LINGO1: variants seen among roughly 807,000 people sequenced by gnomAD.
LINGO1 encodes the protein leucine-rich repeat and immunoglobulin-like domain-containing nogo receptor-interacting protein 1.
Under a neutral mutation model 37.3 loss-of-function variants are expected in LINGO1, and 11 were observed. The ratio of observed to expected loss-of-function variants is 0.29; its 90% CI spans 0.19 to 0.49. LINGO1 has a LOEUF of 0.49. LINGO1 is among the 20% of genes least tolerant of loss of function. The pLI is 0.99. For missense variants in LINGO1, 585 were observed against 878.2 expected (o/e 0.67, Z 4.22); for synonymous variants, 387 against 403.0 (o/e 0.96, Z 0.48).
chr15:77,813,233 GT>G (rs150289658), intron 1 of LINGO1, among the ~76,000 whole-genome samples: 7 of 151,226 alleles, frequency 4.6e-5, no homozygotes, highest in African/African-American at 1.2e-4. Flanking sequence ...CCAATAGAAG[GT>G]TTTTTTTTTA....
At chr15:77,621,997 T>C (rs190789451) in intron 1 of LINGO1, among the ~76,000 whole-genome samples, 2 of 152,250 alleles carry the variant, frequency 1.3e-5, no homozygotes, top group Admixed American at 1.3e-4. Context: ...CCTGGCTGTG[T>C]GGCCAGGGCA....
chr15:77,720,038 C>G (rs898464624), intron 2 of LINGO1, among the ~76,000 whole-genome samples: 1 of 150,014 alleles, frequency 6.7e-6, no homozygotes, highest in African/African-American at 2.4e-5. Context: ...GGCAGTGAAG[C>G]CCCTGCCTCA....
chr15:77,775,627 C>A (rs1252007244), intron 1 of LINGO1, among the ~76,000 whole-genome samples: 1 of 152,176 alleles, frequency 6.6e-6, no homozygotes, highest in Non-Finnish European at 1.5e-5. Context: ...GTGACTGGGC[C>A]ATCCTCTGCT....
chr15:77,754,030 T>C (rs1322822192), intron 1 of LINGO1, among the ~76,000 whole-genome samples: 1 of 151,590 alleles, frequency 6.6e-6, no homozygotes, highest in Non-Finnish European at 1.5e-5. Flanking sequence ...AAAGAAGGCA[T>C]TTGCTGTGGA....
At chr15:77,782,424 C>T (rs1162645282) in intron 1 of LINGO1, among the ~76,000 whole-genome samples, 3 of 152,186 alleles carry the variant, frequency 2.0e-5, no homozygotes, top group Non-Finnish European at 4.4e-5. Context: ...GTGTCCTCAT[C>T]TGAAAAATGG....
intron 3 of LINGO1, among the ~76,000 whole-genome samples, chr15:77,655,636 G>A (rs979117347): frequency 5.3e-5 from 8 of 152,284 alleles, no homozygotes; most frequent in Middle Eastern, 3.4e-3. Flanking sequence ...AAACCTTCAA[G>A]GTAGGTACCA....
At chr15:77,709,495 C>G (rs556435954) in intron 2 of LINGO1, among the ~76,000 whole-genome samples, 1 of 152,368 alleles carries the variant, frequency 6.6e-6, no homozygotes, top group African/African-American at 2.4e-5. Context: ...TCCCAGCATC[C>G]TGACCGCCAG....
chr15:77,687,628 A>C (rs1046024443), intron 2 of LINGO1, among the ~76,000 whole-genome samples: 9 of 152,242 alleles, frequency 5.9e-5, no homozygotes, highest in African/African-American at 2.2e-4. Context: ...CAGTGAGGAC[A>C]GTCAGCCTTC....
intron 1 of LINGO1, among the ~76,000 whole-genome samples, chr15:77,766,773 C>A (rs2076534431): frequency 6.6e-6 from 1 of 152,196 alleles, no homozygotes; most frequent in Non-Finnish European, 1.5e-5. Context: ...CTTTCCTTTA[C>A]AAATTACCCA....
chr15:77,805,606 G>C (rs551518034), intron 1 of LINGO1, among the ~76,000 whole-genome samples: 1 of 152,136 alleles, frequency 6.6e-6, no homozygotes, highest in Non-Finnish European at 1.5e-5. Context: ...TGTCTACTTA[G>C]CAAAACTGTG....
intron 3 of LINGO1, chr15:77,676,972 G>A (rs1348754306): frequency 6.6e-6 from 1 of 152,314 alleles, no homozygotes; most frequent in East Asian, 1.9e-4. Flanking sequence ...CATGGCCCCT[G>A]GCAGGGGCTC....
intron 1 of LINGO1, among the ~76,000 whole-genome samples, chr15:77,619,525 G>A (rs983510677): frequency 1.3e-5 from 2 of 151,848 alleles, no homozygotes; most frequent in African/African-American, 4.8e-5. Flanking sequence ...ATCTCCCACA[G>A]AAATTTAAAA....
At chr15:77,800,604 T>C (rs1239404249) in intron 1 of LINGO1, among the ~76,000 whole-genome samples, 1 of 152,208 alleles carries the variant, frequency 6.6e-6, no homozygotes, top group Non-Finnish European at 1.5e-5. Flanking sequence ...CAAAGATTTT[T>C]CAGCAATAAA....
chr15:77,815,323 C>T lies in LINGO1; in HGVS notation c.-458+4935G>A, dbSNP rs555172752. Among the ~76,000 whole-genome samples the T allele has an allele frequency of 1.7e-4, 26 of 151,346 alleles. No individual in the cohort carries two copies. The South Asian group carries it at 5.0e-3, about 29-fold the overall frequency. ...CACCCCTGCCCAGCAAGCACAGGCA[C>T]AGCCAGAAAAACCCAAGACTGCAGT... On this transcript the variant is annotated intron_variant, in intron 1 of 5. Transcript: ENST00000562933.
At chr15:77,707,823 C>A (rs913550317) in intron 2 of LINGO1, among the ~76,000 whole-genome samples, 1 of 152,174 alleles carries the variant, frequency 6.6e-6, no homozygotes, top group Non-Finnish European at 1.5e-5. Context: ...GGCAGGAGCA[C>A]AGGCACCAAT....
At chr15:77,763,460 T>C (rs1457313963) in intron 1 of LINGO1, among the ~76,000 whole-genome samples, 1 of 152,042 alleles carries the variant, frequency 6.6e-6, no homozygotes, top group Non-Finnish European at 1.5e-5. Flanking sequence ...AAGGACCTTT[T>C]ACAAGGAAAT....
intron 1 of LINGO1, among the ~76,000 whole-genome samples, chr15:77,767,515 C>G (rs2076542216): frequency 6.6e-6 from 1 of 152,078 alleles, no homozygotes; most frequent in South Asian, 2.1e-4. Context: ...GCAAGAGGGT[C>G]AATGCAAGAG....
At chr15:77,775,002 C>T (rs937356421) in intron 1 of LINGO1, among the ~76,000 whole-genome samples, 4 of 152,200 alleles carry the variant, frequency 2.6e-5, no homozygotes, top group East Asian at 1.9e-4. Flanking sequence ...CTAGAACCCA[C>T]GTCTCACGTC....
intron 3 of LINGO1, among the ~76,000 whole-genome samples, chr15:77,663,347 A>C (rs1367616856): frequency 6.6e-6 from 1 of 151,970 alleles, no homozygotes; most frequent in African/African-American, 2.4e-5. Flanking sequence ...CCCATGATTC[A>C]GTTTTCTTGG....
Sources: gnomAD v4.1 joint callset for allele counts (sites outside exome capture counted in the v4.1 genomes callset) on GRCh38, gnomAD v4.1.1 for gene constraint, MANE v1.5 for transcripts, NCBI Gene and HGNC (gene_info 2026-07-23, HGNC 2026-07-21) for gene names.